LAMA2: variants seen among roughly 807,000 people sequenced by gnomAD.
The protein encoded by LAMA2 is laminin subunit alpha-2.
LAMA2 carries 269 observed loss-of-function variants against 364.8 expected under a neutral mutation model. The ratio of observed to expected loss-of-function variants is 0.74; its 90% CI spans 0.67 to 0.82. LAMA2 has a LOEUF of 0.82. Ranked by LOEUF, LAMA2 falls within the 40% of genes least tolerant of loss-of-function variation. The pLI, the probability that LAMA2 is intolerant of heterozygous loss-of-function variation, is 0.00. For missense variants in LAMA2, 3,807 were observed against 3,873.2 expected (o/e 0.98, Z 0.45); for synonymous variants, 1,379 against 1,370.6 (o/e 1.01, Z -0.14).
At chr6:129,007,903 C>T (rs1420970812) in intron 1 of LAMA2, among the ~76,000 whole-genome samples, 1 of 152,168 alleles carries the variant, frequency 6.6e-6, no homozygotes, top group Non-Finnish European at 1.5e-5. Flanking sequence ...ATCCTGCTGG[C>T]GTTTCATGCA....
At chr6:129,028,634 G>C (rs543747391) in intron 1 of LAMA2, among the ~76,000 whole-genome samples, 5 of 151,750 alleles carry the variant, frequency 3.3e-5, no homozygotes, top group African/African-American at 1.2e-4. Flanking sequence ...AACATGCTTG[G>C]GACAAGTTAA....
At chr6:129,344,287 T>A (rs1228191705) in intron 30 of LAMA2, among the ~76,000 whole-genome samples, 1 of 152,108 alleles carries the variant, frequency 6.6e-6, no homozygotes, top group African/African-American at 2.4e-5. Flanking sequence ...GTAATAAGAA[T>A]GGAGACAAAG....
rs1349110629 is a variant in LAMA2, at chr6:129,391,581, T to C, written c.5162T>C (p.Ile1721Thr). 6.2e-7 allele frequency: 1 copy of C among 1,613,830 alleles called. No homozygotes were observed. The highest frequency in any genetic ancestry group is 8.5e-7 in the Non-Finnish European group (1 of 1,179,768). ...ERNLEGLQKE[I>T]DQMIKELRRK... is the part of the protein sequence containing the mutation. ...AATTTGGAAGGGCTTCAGAAAGAGA[T>C]TGACCAGATGATTAAAGAACTGAGG... is the stretch of plus-strand genomic sequence containing the variant. Residue 1721 changes from isoleucine (I) to threonine (T), a missense_variant, in exon 36 of 65, where the codon ATT becomes ACT. Ile to Thr is a moderately conservative substitution (Grantham distance 89, BLOSUM62 -1). This residue lies in a region of LAMA2 where 3,333 missense variants were observed against 3,345.7 expected (regional missense o/e 1.00). Coordinates refer to ENST00000421865, the MANE Select transcript of LAMA2 (RefSeq NM_000426.4).
At chr6:129,394,348 T>C (rs1779489024) in intron 37 of LAMA2, among the ~76,000 whole-genome samples, 2 of 152,244 alleles carry the variant, frequency 1.3e-5, no homozygotes, top group Admixed American at 1.3e-4. Flanking sequence ...CAGTAACAAT[T>C]GAATACAATC....
In LAMA2 at chr6:128,902,964, C is replaced by T. The variant is rs183017263; in HGVS notation, c.112+19607C>T. ...GTTTAACTCATTTTTGCATTCTATT[C>T]ATAAATATGACCAGTCACAACTTAG... is the stretch of plus-strand genomic sequence containing the variant. On this transcript the variant is annotated intron_variant, in intron 1 of 64. Coordinates refer to ENST00000421865, the MANE Select transcript of LAMA2 (RefSeq NM_000426.4). Among the ~76,000 whole-genome samples the T allele has an allele frequency of 3.3e-3, 497 of 152,238 alleles. 1 individual carries two copies. Among genetic ancestry groups the T allele is most frequent in the African/African-American group, 0.011 (469 of 41,538 alleles).
At chr6:129,136,326 G>C (rs1306295453) in intron 4 of LAMA2, among the ~76,000 whole-genome samples, 1 of 152,252 alleles carries the variant, frequency 6.6e-6, no homozygotes, top group East Asian at 1.9e-4. Flanking sequence ...AAGAATCATA[G>C]AGACTTTGAT....
intron 58 of LAMA2, among the ~76,000 whole-genome samples, chr6:129,495,773 T>A (rs1785142514): frequency 6.6e-6 from 1 of 152,226 alleles, no homozygotes; most frequent in African/African-American, 2.4e-5. Context: ...TTTTTCCTTT[T>A]TTCTCAAAAT....
intron 40 of LAMA2, among the ~76,000 whole-genome samples, chr6:129,415,485 G>A (rs940743748): frequency 3.9e-5 from 6 of 151,900 alleles, no homozygotes; most frequent in Non-Finnish European, 7.4e-5. Flanking sequence ...CTCCTTGCTG[G>A]CATATACCCT....
chr6:129,114,773 G>A (rs969861904), intron 4 of LAMA2, among the ~76,000 whole-genome samples: 5 of 151,984 alleles, frequency 3.3e-5, no homozygotes, highest in South Asian at 2.1e-4. Flanking sequence ...CCACTCCTCC[G>A]TTTACATCAC....
At chr6:129,398,434 G>A (rs1057312744) in intron 37 of LAMA2, among the ~76,000 whole-genome samples, 2 of 151,530 alleles carry the variant, frequency 1.3e-5, no homozygotes, top group African/African-American at 2.4e-5. Context: ...ACAAGTCCCA[G>A]GAATGGACTT....
chr6:129,287,702 A>T (rs1789375178), intron 18 of LAMA2, 145 bp from the exon 19 acceptor site: 5 of 758,278 alleles, frequency 6.6e-6, no homozygotes, highest in South Asian at 1.4e-5. Flanking sequence ...GTAGAAAAAC[A>T]TTTTTTTAAT....
intron 56 of LAMA2, among the ~76,000 whole-genome samples, chr6:129,490,204 C>A (rs1784791748): frequency 6.6e-6 from 1 of 152,206 alleles, no homozygotes. Flanking sequence ...AGCCTCAGGG[C>A]AATCCCTTAA....
At chr6:129,079,252 T>C (rs1029312822) in intron 3 of LAMA2, among the ~76,000 whole-genome samples, 1 of 152,170 alleles carries the variant, frequency 6.6e-6, no homozygotes, top group African/African-American at 2.4e-5. Context: ...TTTATTATAT[T>C]ATATTGTTGT....
chr6:129,368,869 G>A (rs1777919715), intron 33 of LAMA2, among the ~76,000 whole-genome samples: 1 of 152,118 alleles, frequency 6.6e-6, no homozygotes, highest in African/African-American at 2.4e-5. Context: ...CTTTAACTAT[G>A]TCAGTGCTCC....
At chr6:129,329,497 G>T (rs764018600) in intron 29 of LAMA2, among the ~76,000 whole-genome samples, 3 of 152,100 alleles carry the variant, frequency 2.0e-5, no homozygotes, top group Non-Finnish European at 4.4e-5. Context: ...GAGTAGCTGG[G>T]ACTACAGGCT....
chr6:129,101,141 A>T (rs898006892), intron 4 of LAMA2, among the ~76,000 whole-genome samples: 4 of 152,228 alleles, frequency 2.6e-5, no homozygotes, highest in Non-Finnish European at 5.9e-5. Context: ...CAGTAAATAA[A>T]ACATGATTGC....
chr6:129,205,103 G>A (rs1449348001), intron 12 of LAMA2, among the ~76,000 whole-genome samples: 1 of 151,808 alleles, frequency 6.6e-6, no homozygotes, highest in East Asian at 1.9e-4. Context: ...AAAATCCAAA[G>A]TTATAGCTGG....
chr6:128,909,858 C>T (rs1199089178), intron 1 of LAMA2, among the ~76,000 whole-genome samples: 1 of 151,468 alleles, frequency 6.6e-6, no homozygotes, highest in Non-Finnish European at 1.5e-5. Flanking sequence ...TCAGCATTTG[C>T]TTGTCTGTAA....
At chr6:129,130,814 C>A (rs1777427833) in intron 4 of LAMA2, among the ~76,000 whole-genome samples, 1 of 152,026 alleles carries the variant, frequency 6.6e-6, no homozygotes, top group African/African-American at 2.4e-5. Flanking sequence ...TATAAACTAT[C>A]TCTATAAAGA....
Sources: allele counts gnomAD v4.1 joint callset (sites outside exome capture counted in the v4.1 genomes callset), GRCh38; gene constraint gnomAD v4.1.1; regional missense constraint gnomAD v4.1.1; transcripts MANE v1.5; gene names NCBI Gene and HGNC (gene_info 2026-07-23, HGNC 2026-07-21).